The following TIAM2 variants were observed in gnomAD, a reference collection of about 807,000 sequenced individuals.
The protein encoded by TIAM2 is TIAM Rac1 associated GEF 2.
Under a neutral mutation model 152.9 loss-of-function variants are expected in TIAM2, and 80 were observed. The observed-to-expected ratio is 0.52, with a 90% CI of 0.44 to 0.63. TIAM2 has a LOEUF of 0.63. Among genes scored for constraint, TIAM2 ranks in the 30% least tolerant of loss-of-function variants. The pLI, the probability that TIAM2 is intolerant of heterozygous loss-of-function variation, is 0.00. For missense variants in TIAM2, 1,965 were observed against 2,120.1 expected, an observed-to-expected ratio of 0.93 and a Z score of 1.44; for synonymous variants, 804 against 838.0, an observed-to-expected ratio of 0.96 and a Z score of 0.70.
intron 1 of TIAM2, among the ~76,000 whole-genome samples, chr6:155,010,749 C>G (rs1320552869): frequency 1.3e-5 from 2 of 150,936 alleles, no homozygotes; most frequent in Non-Finnish European, 3.0e-5. Context: ...CTGCGCCCAG[C>G]TTACAAAAAT....
intron 1 of TIAM2, among the ~76,000 whole-genome samples, chr6:155,020,052 C>CAA (rs112314960): frequency 2.7e-4 from 40 of 146,726 alleles, no homozygotes; most frequent in African/African-American, 9.5e-4. Context: ...ACTCCGTCTG[C>CAA]AAAAAAAAAA....
rs146623913 is a variant in TIAM2, at chr6:155,012,643, C to T, written c.-209+17151C>T. On this transcript the variant is annotated intron_variant, in intron 1 of 26. Coordinates refer to ENST00000682666, the MANE Select transcript of TIAM2 (RefSeq NM_012454.4). ...TTGGCTCACTGCACCCTCTACCTTC[C>T]GGGTTCAAGCGATTCTCCTGCATCA... Among the ~76,000 whole-genome samples, 9 of 152,254 alleles carry T rather than the reference C, an allele frequency of 5.9e-5. No homozygotes were observed. The East Asian group carries it at 1.4e-3, about 23-fold the overall frequency.
intron 1 of TIAM2, among the ~76,000 whole-genome samples, chr6:155,015,962 A>C (rs575713558): frequency 0.022 from 3,388 of 151,010 alleles, 200 homozygotes; most frequent in African/African-American, 0.077. Context: ...AAAAAAAAAA[A>C]AAAAAAAAAA....
At chr6:155,246,601 G>C (rs1463195812) in intron 19 of TIAM2, among the ~76,000 whole-genome samples, 1 of 152,156 alleles carries the variant, frequency 6.6e-6, no homozygotes, top group East Asian at 1.9e-4. Flanking sequence ...CTCCCAAAGT[G>C]CTGGGATTAT....
At chr6:155,248,204 G>A in intron 20 of TIAM2, 25 bp downstream of exon 20, 1 of 1,606,952 alleles carries the variant, frequency 6.2e-7, no homozygotes, top group African/African-American at 1.3e-5. Flanking sequence ...GCACCTCCGG[G>A]CGAGGGCCTG....
rs749551432 is a variant in TIAM2, at chr6:155,249,924, C to T, written c.3906C>T (p.Thr1302=). 23 of 1,613,870 alleles carry T rather than the reference C, an allele frequency of 1.4e-5. No individual in the cohort carries two copies. Among genetic ancestry groups the T allele is most frequent in the South Asian group, 1.2e-4 (11 of 91,074 alleles). The change falls in exon 21 of 27, where the codon ACC becomes ACT. Residue 1302 remains threonine, a synonymous_variant. Coordinates refer to ENST00000682666, the MANE Select transcript of TIAM2 (RefSeq NM_012454.4). The part of the protein sequence containing the change: ...EMQKIYEDYG[T]VFDQLVAEQS... The stretch of plus-strand genomic sequence containing the variant: ...AGAAGATCTATGAGGATTATGGGAC[C>T]GTGTTTGACCAGCTAGTAGCTGAGC...
chr6:154,997,722 C>T (rs573149971), intron 1 of TIAM2, among the ~76,000 whole-genome samples: 1 of 146,578 alleles, frequency 6.8e-6, no homozygotes, highest in Non-Finnish European at 1.5e-5. Context: ...CTCACCGCAG[C>T]CTCAGCCTCC....
chr6:155,192,854 C>G (rs1781242373), intron 14 of TIAM2, among the ~76,000 whole-genome samples: 2 of 152,174 alleles, frequency 1.3e-5, no homozygotes. Flanking sequence ...TCCTTTCAGA[C>G]AACTGTGGAT....
At chr6:155,159,242 A>T (rs1780201922) in intron 7 of TIAM2, among the ~76,000 whole-genome samples, 1 of 152,130 alleles carries the variant, frequency 6.6e-6, no homozygotes, top group Non-Finnish European at 1.5e-5. Context: ...ACTGAGTGAG[A>T]GTGTGGTAGT....
chr6:155,098,486 G>C (rs1401536627), intron 2 of TIAM2, among the ~76,000 whole-genome samples: 1 of 152,102 alleles, frequency 6.6e-6, no homozygotes, highest in Non-Finnish European at 1.5e-5. Context: ...ATTGTTCGCT[G>C]TTGGCATATA....
chr6:155,211,764 CCT>C (rs892599288), intron 15 of TIAM2, among the ~76,000 whole-genome samples: 2 of 151,710 alleles, frequency 1.3e-5, no homozygotes, highest in African/African-American at 2.4e-5. Context: ...CAAGTGTATG[CCT>C]CTCTGTGGCA....
intron 19 of TIAM2, 35 bp downstream of exon 19, chr6:155,245,766 T>TTTTTTTGCA: frequency 6.9e-7 from 1 of 1,439,940 alleles, no homozygotes; most frequent in Non-Finnish European, 9.4e-7. Context: ...TTTTTTTTTT[T>TTTTTTTGCA]TTTTGCATTT....
intron 5 of TIAM2, among the ~76,000 whole-genome samples, chr6:155,138,429 G>A (rs1464468441): frequency 4.8e-5 from 7 of 145,826 alleles, no homozygotes; most frequent in African/African-American, 1.1e-4. Flanking sequence ...AAGTGCAGCC[G>A]TCTTTTTTTT....
At chr6:155,113,190 C>A (rs949724730) in intron 2 of TIAM2, among the ~76,000 whole-genome samples, 3 of 152,158 alleles carry the variant, frequency 2.0e-5, no homozygotes, top group Non-Finnish European at 4.4e-5. Flanking sequence ...TGCTCTGCTG[C>A]GGCCATGCTG....
chr6:155,180,717 C>T (rs909535462), intron 12 of TIAM2, among the ~76,000 whole-genome samples: 5 of 152,072 alleles, frequency 3.3e-5, no homozygotes, highest in Non-Finnish European at 7.4e-5. Flanking sequence ...ATTCTCCCTG[C>T]CTCAGCCTCC....
At chr6:155,161,303 C>T (rs1183785092) in intron 7 of TIAM2, among the ~76,000 whole-genome samples, 1 of 152,150 alleles carries the variant, frequency 6.6e-6, no homozygotes. Flanking sequence ...CCTCCCAACT[C>T]AGCCTCTCAA....
intron 15 of TIAM2, 95 bp downstream of exon 15, chr6:155,211,402 A>G (rs1781714746): frequency 1.1e-6 from 1 of 896,202 alleles, no homozygotes; most frequent in Non-Finnish European, 1.8e-6. Context: ...GGAGTTACCT[A>G]TCTCTAGGTC....
chr6:155,065,726 G>A (rs1304426357), intron 1 of TIAM2, among the ~76,000 whole-genome samples: 1 of 152,102 alleles, frequency 6.6e-6, no homozygotes, highest in Non-Finnish European at 1.5e-5. Context: ...CCCAGAGTGC[G>A]CCACTGCACT....
At chr6:155,029,424 TACTATAG>T (rs372276952) in intron 1 of TIAM2, among the ~76,000 whole-genome samples, 12 of 10,838 alleles carry the variant, frequency 1.1e-3, no homozygotes, top group South Asian at 5.5e-3. Context: ...ATACTATATA[TACTATAG>T]TATATATTAT....
Sources: allele counts gnomAD v4.1 joint callset (sites outside exome capture counted in the v4.1 genomes callset), GRCh38; gene constraint gnomAD v4.1.1; transcripts MANE v1.5; gene names NCBI Gene and HGNC (gene_info 2026-07-23, HGNC 2026-07-21).